The following ESRRG variants were observed in gnomAD, a reference collection of about 807,000 sequenced individuals.
The protein encoded by ESRRG is estrogen related receptor gamma.
In ESRRG, 13 loss-of-function variants were observed where a neutral mutation model predicts 44.0. That is an observed-to-expected ratio of 0.30 (90% CI 0.19 to 0.47). ESRRG has a LOEUF of 0.47. Among genes scored for constraint, ESRRG ranks in the 20% least tolerant of loss-of-function variants. ESRRG has a pLI of 1.00. For synonymous variants in ESRRG, 215 were observed against 214.6 expected (o/e 1.00, Z -0.02); for missense variants, 395 against 580.6 (o/e 0.68, Z 3.29).
At chr1:216,730,505 C>T (rs995593975) in intron 2 of ESRRG, among the ~76,000 whole-genome samples, 1 of 152,068 alleles carries the variant, frequency 6.6e-6, no homozygotes, top group Non-Finnish European at 1.5e-5. Flanking sequence ...CTACTCTAAA[C>T]TCTATCTGAC....
intron 3 of ESRRG, among the ~76,000 whole-genome samples, chr1:216,591,054 GGGTGAGGA>G (rs2057574596): frequency 6.6e-6 from 1 of 152,120 alleles, no homozygotes; most frequent in African/African-American, 2.4e-5. Context: ...TGAGTGAAAA[GGGTGAGGA>G]GAACCTCTTT....
At chr1:217,128,715 T>A (rs1283757418) in intron 1 of ESRRG, among the ~76,000 whole-genome samples, 1 of 152,246 alleles carries the variant, frequency 6.6e-6, no homozygotes, top group Non-Finnish European at 1.5e-5. Flanking sequence ...TGTTTCCTTT[T>A]CTTGAACAGC....
intron 1 of ESRRG, among the ~76,000 whole-genome samples, chr1:217,026,912 C>CACACACACAG (rs1255637839): frequency 3.2e-5 from 3 of 93,414 alleles, no homozygotes; most frequent in Non-Finnish European, 4.3e-5. Flanking sequence ...CACACACACA[C>CACACACACAG]AGAGAGAGAG....
At position 216,628,670 on chromosome 1, in the gene ESRRG, T is replaced by C. The variant is rs548309016; in HGVS notation, c.589+22303A>G. Among the ~76,000 whole-genome samples, 3 of 152,316 alleles carry C rather than the reference T, an allele frequency of 2.0e-5. No homozygotes were observed. The South Asian group carries it at 6.2e-4, about 32-fold the overall frequency. On this transcript the variant is annotated intron_variant, in intron 3 of 6. Coordinates refer to ENST00000408911, the MANE Select transcript of ESRRG (RefSeq NM_001438.4). ...ATACCCTACCCTGATGCCAACACCA[T>C]TGGCTCATTCATTCATTCCCTGAAG...
chr1:217,034,837 A>G (rs114202599), intron 1 of ESRRG, among the ~76,000 whole-genome samples: 6 of 152,314 alleles, frequency 3.9e-5, no homozygotes, highest in Admixed American at 1.3e-4. Context: ...TAACACAGAC[A>G]AATTGTGGGC....
intron 2 of ESRRG, among the ~76,000 whole-genome samples, chr1:216,753,180 A>G (rs896631193): frequency 6.6e-5 from 10 of 151,948 alleles, no homozygotes; most frequent in Admixed American, 6.6e-4. Flanking sequence ...ATTGATACAC[A>G]CACACACACA....
At chr1:216,507,665 A>C (rs2041556856) in intron 6 of ESRRG, among the ~76,000 whole-genome samples, 1 of 152,100 alleles carries the variant, frequency 6.6e-6, no homozygotes, top group Non-Finnish European at 1.5e-5. Context: ...GATTCTAAGA[A>C]CTCCATGTGA....
At chr1:217,098,246 A>C (rs1373299504) in intron 1 of ESRRG, among the ~76,000 whole-genome samples, 1 of 152,152 alleles carries the variant, frequency 6.6e-6, no homozygotes, top group African/African-American at 2.4e-5. Flanking sequence ...AACCCTAGAC[A>C]GAGTCATCAC....
chr1:216,834,540 G>T (rs2095534451), intron 2 of ESRRG, among the ~76,000 whole-genome samples: 1 of 152,090 alleles, frequency 6.6e-6, no homozygotes, highest in South Asian at 2.1e-4. Context: ...ATGGATATTG[G>T]AGTAAAACAG....
chr1:216,810,721 T>C (rs954635759), intron 2 of ESRRG, among the ~76,000 whole-genome samples: 19 of 147,488 alleles, frequency 1.3e-4, no homozygotes, highest in Admixed American at 2.1e-4. Context: ...TGTGTGTGTG[T>C]ATGATATACA....
chr1:216,974,829 T>G (rs935015437), intron 1 of ESRRG, among the ~76,000 whole-genome samples: 2 of 151,830 alleles, frequency 1.3e-5, no homozygotes, highest in African/African-American at 4.8e-5. Context: ...CTCTCTCCCC[T>G]CGGAGGACAG....
intron 1 of ESRRG, among the ~76,000 whole-genome samples, chr1:217,121,940 G>A (rs2092825581): frequency 6.6e-6 from 1 of 152,186 alleles, no homozygotes. Flanking sequence ...AGCAGAAGAA[G>A]GCAACCTCTG....
At chr1:216,755,826 A>T (rs982720232) in intron 2 of ESRRG, among the ~76,000 whole-genome samples, 15 of 152,072 alleles carry the variant, frequency 9.9e-5, no homozygotes, top group African/African-American at 3.6e-4. Flanking sequence ...CAAAGTTTTC[A>T]ACTTCTTCTA....
chr1:216,548,844 A>G (rs1029133117), intron 5 of ESRRG, among the ~76,000 whole-genome samples: 1 of 152,142 alleles, frequency 6.6e-6, no homozygotes, highest in Non-Finnish European at 1.5e-5. Flanking sequence ...ATTACCGTAA[A>G]GGTACCCAAC....
At chr1:216,620,944 A>G (rs886275583) in intron 3 of ESRRG, among the ~76,000 whole-genome samples, 1 of 152,200 alleles carries the variant, frequency 6.6e-6, no homozygotes. Context: ...GAAATCTGCT[A>G]TCCCTTGAGA....
chr1:216,549,291 G>T (rs2055533636), intron 5 of ESRRG, among the ~76,000 whole-genome samples: 1 of 151,926 alleles, frequency 6.6e-6, no homozygotes, highest in African/African-American at 2.4e-5. Flanking sequence ...TGATGGAAAA[G>T]AACTTTTTAT....
chr1:216,916,522 T>C (rs1005116481), intron 2 of ESRRG, among the ~76,000 whole-genome samples: 1 of 152,186 alleles, frequency 6.6e-6, no homozygotes, highest in Admixed American at 6.5e-5. Flanking sequence ...GGAATGAGAA[T>C]TTGGGGACAC....
intron 1 of ESRRG, among the ~76,000 whole-genome samples, chr1:217,060,973 A>G (rs902652962): frequency 8.3e-6 from 1 of 120,206 alleles, no homozygotes; most frequent in Non-Finnish European, 1.8e-5. Flanking sequence ...AAATATATCA[A>G]ACTTTCATGG....
chr1:216,906,841 GTACATT>G (rs1480921834), intron 2 of ESRRG, among the ~76,000 whole-genome samples: 1 of 151,994 alleles, frequency 6.6e-6, no homozygotes, highest in East Asian at 1.9e-4. Flanking sequence ...TTTTATTTTT[GTACATT>G]TAGAGATAAA....
Sources: allele counts gnomAD v4.1 joint callset (sites outside exome capture counted in the v4.1 genomes callset), GRCh38; gene constraint gnomAD v4.1.1; transcripts MANE v1.5; gene names NCBI Gene and HGNC (gene_info 2026-07-23, HGNC 2026-07-21).